LUZP1: variants seen among roughly 807,000 people sequenced by gnomAD.
LUZP1 encodes filamin mechanobinding actin cross-linking protein.
Under a neutral mutation model 71.3 loss-of-function variants are expected in LUZP1, and 25 were observed. The ratio of observed to expected loss-of-function variants is 0.35; its 90% CI spans 0.26 to 0.49. The LOEUF is 0.49. Ranked by LOEUF, LUZP1 falls within the 20% of genes least tolerant of loss-of-function variation. The pLI is 0.99. For synonymous variants in LUZP1, 481 were observed against 506.4 expected (o/e 0.95, Z 0.67); for missense variants, 1,142 against 1,300.8 (o/e 0.88, Z 1.88).
intron 2 of LUZP1, among the ~76,000 whole-genome samples, chr1:23,121,353 C>T (rs1359054469): frequency 1.3e-5 from 2 of 152,170 alleles, no homozygotes; most frequent in East Asian, 3.8e-4. Flanking sequence ...GTACAATGAC[C>T]ATATAGTACC....
intron 3 of LUZP1, among the ~76,000 whole-genome samples, chr1:23,100,209 C>T (rs576181315): frequency 6.6e-6 from 1 of 152,290 alleles, no homozygotes; most frequent in African/African-American, 2.4e-5. Context: ...GCTGAAAATT[C>T]GATGAATTTG....
chr1:23,096,596 C>T (rs1249108383), intron 3 of LUZP1, among the ~76,000 whole-genome samples: 3 of 152,048 alleles, frequency 2.0e-5, no homozygotes, highest in Non-Finnish European at 4.4e-5. Flanking sequence ...AACAGAAAAT[C>T]TTTAAAAAGA....
Position 23,093,403 on chromosome 1 carries a change from T to C in LUZP1, c.859A>G (p.Lys287Glu). ...ATCTCTTGGTTAAGGTCTTTGACTT[T>C]GTTGTCTTCCTGATTGCGGTTCTTT... The change falls in exon 4 of 5, where the codon AAA (lysine) becomes GAA (glutamate). Residue 287 changes from lysine (K) to glutamate (E), a missense_variant. By Grantham distance (56) the Lys-to-Glu change is moderately conservative. Transcript: ENST00000302291. This position sits in a 1 kb window ranked among gnomAD's most constrained non-coding sequence, Gnocchi z 4.2. 3 of 1,614,018 alleles carry C rather than the reference T, an allele frequency of 1.9e-6. No individual in the cohort carries two copies. The highest frequency in any genetic ancestry group is 1.1e-5 in the South Asian group (1 of 90,992).
At chr1:23,154,862 T>C (rs1017794766) in intron 2 of LUZP1, among the ~76,000 whole-genome samples, 4 of 151,944 alleles carry the variant, frequency 2.6e-5, no homozygotes, top group African/African-American at 7.3e-5. Flanking sequence ...CCCTCTAAGT[T>C]ACCTTATTAT....
At chr1:23,088,703 G>A in exon 5 of LUZP1, 1 of 640,944 alleles carries the variant, frequency 1.6e-6, no homozygotes, top group Non-Finnish European at 2.6e-6. Context: ...CTGGGTGACT[G>A]TCCAGCTTGT....
In LUZP1 at chr1:23,094,084, T is replaced by C. The variant is rs1345919591; in HGVS notation, c.178A>G (p.Ser60Gly). 3.7e-6 allele frequency: 6 copies of C among 1,614,212 alleles called. No homozygotes were observed. The highest frequency in any genetic ancestry group is 5.1e-6 in the Non-Finnish European group (6 of 1,180,036). ...AGCACTTCAATCTCCGCCAACATGCTGGAGTTGCTACCTTCTGCCTGAATC... is the reference window on the plus strand; with the variant it reads ...AGCACTTCAATCTCCGCCAACATGCCGGAGTTGCTACCTTCTGCCTGAATC... Residue 60 changes from serine to glycine, a missense_variant, in exon 4 of 5, where the codon AGC becomes GGC. Ser to Gly is a moderately conservative substitution (Grantham distance 56). Transcript: ENST00000302291. This position sits in a 1 kb window ranked among gnomAD's most constrained non-coding sequence, Gnocchi z 4.7.
intron 2 of LUZP1, among the ~76,000 whole-genome samples, chr1:23,167,911 C>T (rs1020092836): frequency 6.6e-6 from 1 of 151,894 alleles, no homozygotes; most frequent in Admixed American, 6.5e-5. Context: ...GGGGGTGCGC[C>T]GGGAGGCGGG....
intron 2 of LUZP1, among the ~76,000 whole-genome samples, chr1:23,166,745 T>C (rs1441975704): frequency 6.6e-6 from 1 of 150,922 alleles, no homozygotes; most frequent in Non-Finnish European, 1.5e-5. Flanking sequence ...CCTAGCATAA[T>C]TACTGGGTAC....
At chr1:23,119,411 A>C (rs977018915) in intron 2 of LUZP1, among the ~76,000 whole-genome samples, 6 of 152,070 alleles carry the variant, frequency 3.9e-5, no homozygotes, top group Non-Finnish European at 7.4e-5. Flanking sequence ...CTGAAAGTGA[A>C]AGCAAGTATG....
chr1:23,103,927 GA>G (rs1643958012), intron 3 of LUZP1, among the ~76,000 whole-genome samples: 1 of 71,000 alleles, frequency 1.4e-5, no homozygotes. Flanking sequence ...GGGAGGGGGG[GA>G]AGGAGGGAGG....
At chr1:23,101,679 C>T (rs931360952) in intron 3 of LUZP1, among the ~76,000 whole-genome samples, 2 of 152,262 alleles carry the variant, frequency 1.3e-5, no homozygotes, top group African/African-American at 4.8e-5. Context: ...AGGAACTAGA[C>T]TGAAAATGGG....
exon 5 of LUZP1, chr1:23,085,111 A>C (rs528965655): frequency 6.5e-6 from 1 of 152,764 alleles, no homozygotes; most frequent in South Asian, 2.1e-4. Context: ...CCTGGTTTCC[A>C]GCGACAGGTT....
At chr1:23,123,528 C>T (rs1193848366) in intron 2 of LUZP1, among the ~76,000 whole-genome samples, 1 of 149,216 alleles carries the variant, frequency 6.7e-6, no homozygotes, top group Non-Finnish European at 1.5e-5. Flanking sequence ...TAGGCTATCT[C>T]AAGGTTGAAG....
At chr1:23,129,554 T>C (rs1184842576) in intron 2 of LUZP1, among the ~76,000 whole-genome samples, 1 of 152,114 alleles carries the variant, frequency 6.6e-6, no homozygotes, top group African/African-American at 2.4e-5. Flanking sequence ...GCACTCCACC[T>C]TGAGCAATAA....
intron 2 of LUZP1, among the ~76,000 whole-genome samples, chr1:23,130,525 CTTT>C (rs748312616): frequency 3.9e-4 from 46 of 117,210 alleles, no homozygotes; most frequent in Admixed American, 8.3e-4. Context: ...TAACAGTTAT[CTTT>C]TTTTTTTTTT....
intron 3 of LUZP1, among the ~76,000 whole-genome samples, chr1:23,106,654 G>A (rs1370917101): frequency 6.6e-6 from 1 of 152,054 alleles, no homozygotes; most frequent in African/African-American, 2.4e-5. Context: ...ACAGGTCTAT[G>A]GGGAGAATTA....
At chr1:23,087,897 T>C (rs933648354) in exon 5 of LUZP1, 4 of 152,552 alleles carry the variant, frequency 2.6e-5, no homozygotes, top group Admixed American at 6.5e-5. Context: ...GCCTCCTCCA[T>C]GGGGGATGGA....
At chr1:23,110,917 C>A (rs1235618166) in intron 2 of LUZP1, among the ~76,000 whole-genome samples, 1 of 151,940 alleles carries the variant, frequency 6.6e-6, no homozygotes, top group Non-Finnish European at 1.5e-5. Flanking sequence ...CTGATAGTAT[C>A]GGCCAGGCAC....
intron 3 of LUZP1, among the ~76,000 whole-genome samples, chr1:23,095,668 T>C (rs776403574): frequency 1.3e-5 from 2 of 152,058 alleles, no homozygotes; most frequent in Admixed American, 1.3e-4. Flanking sequence ...AGCTCCAGGA[T>C]AACTAGTGAA....
Sources: gnomAD v4.1 joint callset for allele counts (sites outside exome capture counted in the v4.1 genomes callset) on GRCh38, gnomAD v4.1.1 for gene constraint, Gnocchi (gnomAD v3.1) non-coding constraint, MANE v1.5 for transcripts, NCBI Gene and HGNC (gene_info 2026-07-23, HGNC 2026-07-21) for gene names.